The following STRN variants were observed in gnomAD, a reference collection of about 807,000 sequenced individuals.
STRN encodes the protein protein phosphatase 2 regulatory subunit B'''alpha.
STRN carries 53 observed loss-of-function variants against 96.3 expected under a neutral mutation model. The ratio of observed to expected loss-of-function variants is 0.55; its 90% CI spans 0.44 to 0.69. The LOEUF (loss-of-function observed/expected upper bound fraction) is 0.69. Ranked by LOEUF, STRN falls within the 30% of genes least tolerant of loss-of-function variation. The pLI is 0.00. For synonymous variants in STRN, 428 were observed against 355.9 expected (o/e 1.20, Z -2.28); for missense variants, 987 against 963.9 (o/e 1.02, Z -0.32).
intron 1 of STRN, among the ~76,000 whole-genome samples, chr2:36,944,209 A>G (rs1670922518): frequency 6.6e-6 from 1 of 152,242 alleles, no homozygotes; most frequent in Non-Finnish European, 1.5e-5. Flanking sequence ...TTAAATTTTT[A>G]TTAAGTTGTT....
intron 10 of STRN, among the ~76,000 whole-genome samples, chr2:36,871,979 GGAA>G (rs1357718556): frequency 7.2e-5 from 11 of 152,184 alleles, no homozygotes; most frequent in Non-Finnish European, 1.6e-4. Context: ...TGGTTATTCT[GGAA>G]GAAGAAAAGC....
rs1668072773 is a variant in STRN, at chr2:36,846,346, T to A, written c.*3110A>T. On this transcript the variant is annotated 3_prime_UTR_variant, in exon 18 of 18. Transcript: ENST00000263918. ...ATCATTATCTGCTGTGTATACTACCTCCAAAAATGAAAATACAAAACAGTA... is the reference window on the plus strand; with the variant it reads ...ATCATTATCTGCTGTGTATACTACCACCAAAAATGAAAATACAAAACAGTA... 1 of 129,790 alleles carries A rather than the reference T, an allele frequency of 7.7e-6. No individual in the cohort carries two copies. Among genetic ancestry groups the A allele is most frequent in the South Asian group, 2.5e-4 (1 of 3,954 alleles). 8.0% of individuals were successfully genotyped at this position (129,790 alleles called of 1,614,324 possible).
rs1341813794 is a variant in STRN at position 36,878,060 on chromosome 2, A to T, written c.1187-33T>A. On this transcript the variant is annotated intron_variant, in intron 9 of 17. Transcript: ENST00000263918. ...GGGAAGACAAAGGAAACATTAAAAA[A>T]TCTCTAAGGAGCCAACATTTAGTCT... 8 of 1,609,664 alleles carry T rather than the reference A, an allele frequency of 5.0e-6. No homozygotes were observed. In the South Asian group the frequency reaches 6.6e-5, roughly 13 times the overall value.
At chr2:36,899,410 TGAAAAA>T in intron 6 of STRN, 107 bp downstream of exon 6, 2 of 1,046,698 alleles carry the variant, frequency 1.9e-6, no homozygotes, top group Non-Finnish European at 1.3e-6. Flanking sequence ...TCCAAATTCA[TGAAAAA>T]GAAAAAGCTA....
chr2:36,908,133 C>A (rs1669870747), intron 3 of STRN, among the ~76,000 whole-genome samples: 1 of 152,152 alleles, frequency 6.6e-6, no homozygotes, highest in Admixed American at 6.5e-5. Flanking sequence ...CTTCTTAAGT[C>A]AAGTGAATAA....
chr2:36,944,417 G>A (rs996929479), intron 1 of STRN, among the ~76,000 whole-genome samples: 28 of 151,970 alleles, frequency 1.8e-4, no homozygotes, highest in African/African-American at 3.9e-4. Flanking sequence ...AAGTTTTTGC[G>A]CACACAAACA....
intron 11 of STRN, 119 bp from the exon 12 acceptor site, chr2:36,867,980 C>G: frequency 1.6e-6 from 1 of 627,830 alleles, no homozygotes; most frequent in East Asian, 3.0e-5. Flanking sequence ...TTCTCAACTA[C>G]ACGATACGTA....
chr2:36,948,738 C>T (rs187063162), intron 1 of STRN, among the ~76,000 whole-genome samples: 125 of 152,300 alleles, frequency 8.2e-4, no homozygotes, highest in African/African-American at 2.9e-3. Context: ...CAAGGTAGCA[C>T]ACCCTAATTG....
chr2:36,869,147 C>G (rs1340383657), intron 11 of STRN, among the ~76,000 whole-genome samples: 1 of 152,174 alleles, frequency 6.6e-6, no homozygotes, highest in Non-Finnish European at 1.5e-5. Context: ...CTTTTCTCTG[C>G]TCCATCTCAT....
intron 3 of STRN, among the ~76,000 whole-genome samples, chr2:36,908,476 A>G (rs1057231091): frequency 2.0e-5 from 3 of 152,238 alleles, no homozygotes; most frequent in African/African-American, 7.2e-5. Flanking sequence ...CTTTCTAGAA[A>G]AGGCAAAACT....
At chr2:36,861,544 A>C (rs1292013248) in intron 12 of STRN, among the ~76,000 whole-genome samples, 1 of 152,184 alleles carries the variant, frequency 6.6e-6, no homozygotes, top group Non-Finnish European at 1.5e-5. Flanking sequence ...CAAAACAAAA[A>C]ACAAGAATAT....
At chr2:36,897,881 G>T (rs1669587467) in intron 6 of STRN, among the ~76,000 whole-genome samples, 1 of 151,884 alleles carries the variant, frequency 6.6e-6, no homozygotes, top group Admixed American at 6.6e-5. Context: ...TTTAGATATG[G>T]GGTCTTGCTA....
intron 13 of STRN, among the ~76,000 whole-genome samples, chr2:36,859,660 A>G (rs979924315): frequency 6.6e-6 from 1 of 152,212 alleles, no homozygotes; most frequent in Non-Finnish European, 1.5e-5. Context: ...CACTGCAAAA[A>G]GTTAGGGTCT....
At chr2:36,906,085 A>C (rs141552676) in intron 3 of STRN, among the ~76,000 whole-genome samples, 121 of 152,348 alleles carry the variant, frequency 7.9e-4, no homozygotes, top group African/African-American at 2.6e-3. Flanking sequence ...CCATGATGTG[A>C]CTAGTACACA....
In STRN at chr2:36,869,581, T is replaced by C. The variant is rs756926066; in HGVS notation, c.1472A>G (p.Asn491Ser). The C allele has an allele frequency of 1.3e-6, 2 of 1,582,480 alleles. No individual in the cohort carries two copies. Among genetic ancestry groups the C allele is most frequent in the East Asian group, 4.6e-5 (2 of 43,484 alleles). Reference sequence around the variant, plus strand: ...TTTGGCTGGGGCTGTTTTCTGTAAATTCCACATTTTTAATGTGTGATCCTC... The same window carrying C: ...TTTGGCTGGGGCTGTTTTCTGTAAACTCCACATTTTTAATGTGTGATCCTC... The part of the protein sequence containing the change: ...ASEDHTLKMW[N>S]LQKTAPAKKS... Residue 491 changes from asparagine to serine, a missense_variant, in exon 11 of 18, where the codon AAT (asparagine) becomes AGT (serine). Coordinates refer to ENST00000263918, the MANE Select transcript of STRN (RefSeq NM_003162.4).
chr2:36,885,786 T>C (rs1458361141), intron 8 of STRN, among the ~76,000 whole-genome samples: 2 of 152,274 alleles, frequency 1.3e-5, no homozygotes, highest in East Asian at 3.9e-4. Context: ...TTCCAGTCTT[T>C]CGCAACTTTA....
intron 14 of STRN, among the ~76,000 whole-genome samples, chr2:36,855,909 T>G (rs78462826): frequency 0.035 from 5,329 of 152,268 alleles, 129 homozygotes; most frequent in Non-Finnish European, 0.054. Context: ...ACTTAGAGCT[T>G]ATTTATAAAC....
At chr2:36,933,059 T>TACACACACAC (rs61245812) in intron 1 of STRN, among the ~76,000 whole-genome samples, 8 of 147,968 alleles carry the variant, frequency 5.4e-5, no homozygotes, top group Admixed American at 4.8e-4. Context: ...TTTTTTAATT[T>TACACACACAC]ACACACACAC....
chr2:36,945,154 T>C (rs1359000911), intron 1 of STRN, among the ~76,000 whole-genome samples: 1 of 152,146 alleles, frequency 6.6e-6, no homozygotes, highest in Non-Finnish European at 1.5e-5. Flanking sequence ...CAATTGGATT[T>C]TTATAAATAA....
Sources: allele counts gnomAD v4.1 joint callset (sites outside exome capture counted in the v4.1 genomes callset), GRCh38; gene constraint gnomAD v4.1.1; transcripts MANE v1.5; gene names NCBI Gene and HGNC (gene_info 2026-07-23, HGNC 2026-07-21).